The following MAP2K5 variants were observed in gnomAD, a reference collection of about 807,000 sequenced individuals.
MAP2K5 encodes the protein mitogen-activated protein kinase kinase 5.
MAP2K5 carries 49 observed loss-of-function variants against 83.1 expected under a neutral mutation model. The observed-to-expected ratio is 0.59, with a 90% confidence interval of 0.47 to 0.75. The LOEUF is 0.75. MAP2K5 is among the 30% of genes least tolerant of loss of function. MAP2K5 has a pLI of 0.00. For missense variants in MAP2K5, 457 were observed against 557.5 expected (o/e 0.82, Z 1.82); for synonymous variants, 202 against 191.8 (o/e 1.05, Z -0.44).
Position 67,786,627 on chromosome 15 carries a change from G to A in MAP2K5, c.1242+13875G>A, listed in dbSNP as rs977489942. On this transcript the variant is annotated intron_variant, in intron 21 of 21. Coordinates refer to ENST00000178640, the MANE Select transcript of MAP2K5 (RefSeq NM_145160.3). This position sits in a 1 kb window ranked among gnomAD's most constrained non-coding sequence, Gnocchi z 4.7. Reference sequence around the variant, plus strand: ...AGTAGTCAGTGAGGATGCCTGGCTCGGGCCTGAGTACAGAACTTGGAAAGT... The same window carrying A: ...AGTAGTCAGTGAGGATGCCTGGCTCAGGCCTGAGTACAGAACTTGGAAAGT... 2.6e-5 allele frequency among the ~76,000 whole-genome samples: 4 copies of A among 152,284 alleles called. No individual in the cohort carries two copies. The highest frequency in any genetic ancestry group is 2.1e-4 in the South Asian group (1 of 4,826).
rs1470126177 is a variant in MAP2K5 at position 67,764,741 on chromosome 15, C to T, written c.1135-4861C>T. On this transcript the variant is annotated intron_variant, in intron 19 of 21. Coordinates refer to ENST00000178640, the MANE Select transcript of MAP2K5 (RefSeq NM_145160.3). This position sits in a 1 kb window ranked among gnomAD's most constrained non-coding sequence, Gnocchi z 4.9. ...GCCTTATCAGTGTCTGAATTAACCA[C>T]CACATTATTGTCAGGTCCCCCTGTC... Among the ~76,000 whole-genome samples the T allele has an allele frequency of 1.3e-5, 2 of 152,184 alleles. No homozygotes were observed. Among genetic ancestry groups the T allele is most frequent in the Non-Finnish European group, 2.9e-5 (2 of 68,038 alleles).
At chr15:67,754,530 A>G (rs1476453307) in intron 19 of MAP2K5, among the ~76,000 whole-genome samples, 1 of 152,232 alleles carries the variant, frequency 6.6e-6, no homozygotes, top group Non-Finnish European at 1.5e-5. Context: ...ATCTAGTGGA[A>G]GACAAACTCA....
At chr15:67,648,542 T>C (rs965383329) in intron 11 of MAP2K5, among the ~76,000 whole-genome samples, 2 of 151,602 alleles carry the variant, frequency 1.3e-5, no homozygotes, top group African/African-American at 2.4e-5. Context: ...TATATATTTG[T>C]GTACAAGTTT....
chr15:67,689,921 C>A (rs1426075002), intron 13 of MAP2K5, among the ~76,000 whole-genome samples: 2 of 152,200 alleles, frequency 1.3e-5, no homozygotes, highest in Admixed American at 1.3e-4. Flanking sequence ...CTTGTCCAAC[C>A]CATGCTCCAC....
intron 8 of MAP2K5, among the ~76,000 whole-genome samples, chr15:67,630,315 C>T (rs990099831): frequency 6.6e-6 from 1 of 152,086 alleles, no homozygotes; most frequent in African/African-American, 2.4e-5. Context: ...ACCCTATTCT[C>T]ATTCTTTTTC....
At chr15:67,715,130 T>C (rs907051451) in intron 16 of MAP2K5, among the ~76,000 whole-genome samples, 5 of 151,972 alleles carry the variant, frequency 3.3e-5, no homozygotes, top group African/African-American at 1.2e-4. Flanking sequence ...TGAAGGATGC[T>C]GAGGAAAAGA....
chr15:67,656,049 G>A (rs2087067168), intron 11 of MAP2K5, among the ~76,000 whole-genome samples: 1 of 151,944 alleles, frequency 6.6e-6, no homozygotes, highest in African/African-American at 2.4e-5. Flanking sequence ...TTCAACTTCA[G>A]AATTTCTATT....
intron 8 of MAP2K5, among the ~76,000 whole-genome samples, chr15:67,621,770 C>G (rs113453175): frequency 6.6e-6 from 1 of 152,098 alleles, no homozygotes. Context: ...GTTTTAGGCA[C>G]TGGAAATAAT....
chr15:67,685,665 AAT>A (rs1176817368), intron 13 of MAP2K5, among the ~76,000 whole-genome samples: 1 of 152,262 alleles, frequency 6.6e-6, no homozygotes, highest in Non-Finnish European at 1.5e-5. Flanking sequence ...AGAAAATGGA[AAT>A]ATATTATTGT....
At chr15:67,570,247 A>G (rs2084925380) in intron 3 of MAP2K5, among the ~76,000 whole-genome samples, 1 of 152,236 alleles carries the variant, frequency 6.6e-6, no homozygotes, top group African/African-American at 2.4e-5. Flanking sequence ...GTTATCATTA[A>G]ACTTGGCCAA....
rs2087696639 is a variant in MAP2K5, at chr15:67,676,890, C to T, written c.847+12245C>T. Among the ~76,000 whole-genome samples the T allele has an allele frequency of 6.6e-6, 1 of 152,142 alleles. No homozygotes were observed. Among genetic ancestry groups the T allele is most frequent in the African/African-American group, 2.4e-5 (1 of 41,416 alleles). ...GACCCAGGTTTAAGTTCTGGTTCTTCCTCTTAATTCATCTTAGCTATGTGA... is the reference window on the plus strand; with the variant it reads ...GACCCAGGTTTAAGTTCTGGTTCTTTCTCTTAATTCATCTTAGCTATGTGA... On this transcript the variant is annotated intron_variant, in intron 13 of 21. Coordinates refer to ENST00000178640, the MANE Select transcript of MAP2K5 (RefSeq NM_145160.3). This position sits in a 1 kb window ranked among gnomAD's most constrained non-coding sequence, Gnocchi z 4.8.
At chr15:67,606,073 T>C (rs775423019) in intron 8 of MAP2K5, among the ~76,000 whole-genome samples, 31 of 152,314 alleles carry the variant, frequency 2.0e-4, no homozygotes, top group Middle Eastern at 3.4e-3. Flanking sequence ...CATAGTTACT[T>C]TGGAAACATT....
rs2087343019 is a variant in MAP2K5 at position 67,665,106 on chromosome 15, C to G, written c.847+461C>G. ...TCTGTTGGCCAGGTTGTTGTTAAACCCCTAGCCTCAAGCAGTCCTCCTACC... is the reference window on the plus strand; with the variant it reads ...TCTGTTGGCCAGGTTGTTGTTAAACGCCTAGCCTCAAGCAGTCCTCCTACC... On this transcript the variant is annotated intron_variant, in intron 13 of 21. Transcript: ENST00000178640. The surrounding 1 kb of genome is among the most constrained non-coding windows in gnomAD (Gnocchi z 4.2). Among the ~76,000 whole-genome samples the G allele has an allele frequency of 6.6e-6, 1 of 151,862 alleles. No homozygotes were observed. Among genetic ancestry groups the G allele is most frequent in the Non-Finnish European group, 1.5e-5 (1 of 67,966 alleles).
rs1219874551 is a variant in MAP2K5, at chr15:67,738,325, C to A, written c.1075-9906C>A. ...GGACTCCAGGCCTAGTTGGTAAAAT[C>A]CTTTAATCAAAAGAAAGTTCCTGGC... is the stretch of plus-strand genomic sequence containing the variant. On this transcript the variant is annotated intron_variant, in intron 17 of 21. Coordinates refer to ENST00000178640, the MANE Select transcript of MAP2K5 (RefSeq NM_145160.3). This position sits in a 1 kb window ranked among gnomAD's most constrained non-coding sequence, Gnocchi z 4.1. Among the ~76,000 whole-genome samples, 1 of 152,206 alleles carries A rather than the reference C, an allele frequency of 6.6e-6. No homozygotes were observed. Among genetic ancestry groups the A allele is most frequent in the Admixed American group, 6.5e-5 (1 of 15,286 alleles).
chr15:67,603,879 G>A (rs74351479), intron 8 of MAP2K5, among the ~76,000 whole-genome samples: 1 of 152,122 alleles, frequency 6.6e-6, no homozygotes, highest in East Asian at 1.9e-4. Flanking sequence ...GAAAATATTG[G>A]AAAATCCACT....
chr15:67,559,425 A>C lies in MAP2K5; in HGVS notation c.185-3858A>C, dbSNP rs961953253. 6.6e-6 allele frequency among the ~76,000 whole-genome samples: 1 copy of C among 151,892 alleles called. No individual in the cohort carries two copies. ...TTACCTGAGGCTGCTTCTCCTCTCTATTGGGCCTTTATGTTTCTCTTCTTG... is the reference window on the plus strand; with the variant it reads ...TTACCTGAGGCTGCTTCTCCTCTCTCTTGGGCCTTTATGTTTCTCTTCTTG... On this transcript the variant is annotated intron_variant, in intron 2 of 21. Transcript: ENST00000178640. The surrounding 1 kb of genome is among the most constrained non-coding windows in gnomAD (Gnocchi z 4.7).
At chr15:67,684,776 T>A (rs2087909455) in intron 13 of MAP2K5, among the ~76,000 whole-genome samples, 2 of 152,184 alleles carry the variant, frequency 1.3e-5, no homozygotes, top group African/African-American at 4.8e-5. Context: ...AAGTTGAACA[T>A]TTATTTTTCA....
rs144977382 is a variant in MAP2K5 at position 67,782,177 on chromosome 15, G to C, written c.1242+9425G>C. Among the ~76,000 whole-genome samples the C allele has an allele frequency of 6.6e-6, 1 of 152,214 alleles. No individual in the cohort carries two copies. The highest frequency in any genetic ancestry group is 1.5e-5 in the Non-Finnish European group (1 of 68,050). ...GATAAGAAAATGTTCCTTTCACAAA[G>C]AGGCAGTGTCTCCCGCCTCTGCGGT... On this transcript the variant is annotated intron_variant, in intron 21 of 21. Transcript: ENST00000178640. The surrounding 1 kb of genome is among the most constrained non-coding windows in gnomAD (Gnocchi z 4.9).
In MAP2K5 at chr15:67,563,372, A is replaced by G. The variant is rs977455924; in HGVS notation, c.252+22A>G. The stretch of plus-strand genomic sequence containing the variant: ...ATATGTAAGTATACGACAAATGAAG[A>G]CTATTTTTTAAAATCTTAACGTGAT... On this transcript the variant is annotated intron_variant, in intron 3 of 21. Transcript: ENST00000178640. The surrounding 1 kb of genome is among the most constrained non-coding windows in gnomAD (Gnocchi z 4.5). 6.3e-7 allele frequency: 1 copy of G among 1,599,134 alleles called. No homozygotes were observed. Among genetic ancestry groups the G allele is most frequent in the Admixed American group, 1.8e-5 (1 of 56,648 alleles).
Sources: allele counts gnomAD v4.1 joint callset (sites outside exome capture counted in the v4.1 genomes callset), GRCh38; gene constraint gnomAD v4.1.1; non-coding constraint Gnocchi (gnomAD v3.1); transcripts MANE v1.5; gene names NCBI Gene and HGNC (gene_info 2026-07-23, HGNC 2026-07-21).